Variants in HCRTR2 observed in about 807,000 individuals in gnomAD.
HCRTR2 encodes orexin receptor type 2.
In HCRTR2, 22 loss-of-function variants were observed where a neutral mutation model predicts 49.0. The ratio of observed to expected loss-of-function variants is 0.45; its 90% confidence interval spans 0.32 to 0.64. The LOEUF is 0.64. Ranked by LOEUF, HCRTR2 falls within the 30% of genes least tolerant of loss-of-function variation. HCRTR2 has a pLI of 0.04. For synonymous variants in HCRTR2, 236 were observed against 205.3 expected, an observed-to-expected ratio of 1.15 and a Z score of -1.28; for missense variants, 491 against 559.4, an observed-to-expected ratio of 0.88 and a Z score of 1.23.
intron 1 of HCRTR2, among the ~76,000 whole-genome samples, chr6:55,215,726 G>A (rs542437701): frequency 6.6e-6 from 1 of 151,684 alleles, no homozygotes; most frequent in South Asian, 2.1e-4. Flanking sequence ...TAAGACTGAG[G>A]TTAGGTTTTT....
chr6:55,249,480 C>A (rs562999968), intron 2 of HCRTR2, among the ~76,000 whole-genome samples: 3 of 152,232 alleles, frequency 2.0e-5, no homozygotes, highest in East Asian at 3.9e-4. Flanking sequence ...TAAATGAGAT[C>A]TACCTCATAT....
chr6:55,128,723 AGTTTT>A (rs904033444), intron 1 of HCRTR2, among the ~76,000 whole-genome samples: 1 of 152,144 alleles, frequency 6.6e-6, no homozygotes, highest in Non-Finnish European at 1.5e-5. Flanking sequence ...CATGTAGTTT[AGTTTT>A]AAAAAAGATA....
intron 1 of HCRTR2, among the ~76,000 whole-genome samples, chr6:55,211,315 C>A (rs1206223558): frequency 1.3e-5 from 2 of 152,112 alleles, no homozygotes; most frequent in African/African-American, 4.8e-5. Context: ...TTTAGAAGTA[C>A]AATAACTTTC....
At chr6:55,275,815 G>A (rs1367998103) in intron 4 of HCRTR2, among the ~76,000 whole-genome samples, 2 of 151,858 alleles carry the variant, frequency 1.3e-5, no homozygotes, top group Non-Finnish European at 2.9e-5. Flanking sequence ...TCTTCATGTT[G>A]GTCAGGCTGG....
At chr6:55,253,829 A>G (rs1379636754) in intron 2 of HCRTR2, among the ~76,000 whole-genome samples, 4 of 152,156 alleles carry the variant, frequency 2.6e-5, no homozygotes, top group African/African-American at 7.2e-5. Flanking sequence ...CTAAATGATG[A>G]GAACACATGG....
chr6:55,134,287 G>A lies in HCRTR2; in HGVS notation c.-378+27742G>A, dbSNP rs140924935. ...TATCAAAATCTTTTCAAGCAAAACA[G>A]AACACAGTATGATAAAGAAATTTAT... On this transcript the variant is annotated intron_variant, in intron 1 of 7. Coordinates refer to the HCRTR2 transcript ENST00000615358. Among the ~76,000 whole-genome samples, 692 of 151,794 alleles carry A rather than the reference G, an allele frequency of 4.6e-3. 7 individuals carry two copies. The highest frequency in any genetic ancestry group is 0.016 in the African/African-American group (673 of 41,466).
At chr6:55,135,190 A>G (rs570747028) in intron 1 of HCRTR2, among the ~76,000 whole-genome samples, 1 of 152,204 alleles carries the variant, frequency 6.6e-6, no homozygotes, top group East Asian at 1.9e-4. Flanking sequence ...TGGGTTTGGA[A>G]CAAGGAAATA....
intron 1 of HCRTR2, among the ~76,000 whole-genome samples, chr6:55,226,088 T>A (rs1235116069): frequency 1.3e-5 from 2 of 152,218 alleles, no homozygotes; most frequent in Non-Finnish European, 2.9e-5. Flanking sequence ...TTGGGAAATT[T>A]GTAAGAGCAG....
chr6:55,174,500 G>T (rs1461262805), upstream of HCRTR2: 16 of 1,117,592 alleles, frequency 1.4e-5, no homozygotes, highest in Middle Eastern at 7.5e-4. Context: ...GCCTCTCCGC[G>T]CAGCCTTTCC....
intron 1 of HCRTR2, among the ~76,000 whole-genome samples, chr6:55,169,134 C>T (rs552229956): frequency 2.6e-5 from 4 of 151,594 alleles, no homozygotes; most frequent in South Asian, 2.1e-4. Context: ...AATTATTTGC[C>T]GGCTACTCTG....
At chr6:55,147,426 T>G (rs1401865580) in intron 1 of HCRTR2, among the ~76,000 whole-genome samples, 1 of 152,184 alleles carries the variant, frequency 6.6e-6, no homozygotes, top group Non-Finnish European at 1.5e-5. Flanking sequence ...TACTGATGTA[T>G]ATAGCACTTA....
At chr6:55,118,300 T>C (rs567099120) in intron 1 of HCRTR2, among the ~76,000 whole-genome samples, 3 of 152,110 alleles carry the variant, frequency 2.0e-5, no homozygotes, top group South Asian at 2.1e-4. Flanking sequence ...CAGTCTATCA[T>C]TGATGGACAT....
intron 1 of HCRTR2, among the ~76,000 whole-genome samples, chr6:55,175,929 G>C (rs988213687): frequency 1.3e-5 from 2 of 152,150 alleles, no homozygotes; most frequent in Non-Finnish European, 2.9e-5. Context: ...AAAATGACAG[G>C]AGATGGAGGA....
At chr6:55,117,465 A>G (rs1370304734) in intron 1 of HCRTR2, among the ~76,000 whole-genome samples, 2 of 151,708 alleles carry the variant, frequency 1.3e-5, no homozygotes, top group African/African-American at 2.4e-5. Flanking sequence ...TTCATGGGGT[A>G]CATGTGATAT....
intron 1 of HCRTR2, among the ~76,000 whole-genome samples, chr6:55,160,095 G>A (rs10807489): frequency 0.26 from 39,454 of 152,012 alleles, 6,299 homozygotes; most frequent in Middle Eastern, 0.45. Context: ...GAGAAAGGTC[G>A]GGTTACCCAC....
chr6:55,208,269 G>A (rs114081324), intron 1 of HCRTR2, among the ~76,000 whole-genome samples: 4,187 of 149,804 alleles, frequency 0.028, 189 homozygotes, highest in African/African-American at 0.098. Flanking sequence ...GAGGTCAGGA[G>A]TTTCAGACCA....
chr6:55,278,758 T>A lies in HCRTR2; in HGVS notation c.983+1158T>A, dbSNP rs2088945. Among the ~76,000 whole-genome samples the A allele has an allele frequency of 7.4e-3, 868 of 117,750 alleles. 8 individuals carry two copies. The highest frequency in any genetic ancestry group is 0.025 in the East Asian group (59 of 2,354). 77.2% of individuals were successfully genotyped at this position (117,750 alleles called of 152,430 possible). ...TATTATTATTATTATTATTATTATTTTTGCTAACAGAAATTTAATACAAAT... is the reference window on the plus strand; with the variant it reads ...TATTATTATTATTATTATTATTATTATTGCTAACAGAAATTTAATACAAAT... On this transcript the variant is annotated intron_variant, in intron 5 of 6. Coordinates refer to ENST00000370862, the MANE Select transcript of HCRTR2 (RefSeq NM_001384272.1).
intron 1 of HCRTR2, among the ~76,000 whole-genome samples, chr6:55,181,528 TG>T (rs1365730527): frequency 1.1e-4 from 16 of 152,208 alleles, no homozygotes; most frequent in Non-Finnish European, 1.8e-4. Flanking sequence ...ACTAAACACA[TG>T]AGAACAATGT....
Position 55,258,708 on chromosome 6 carries a change from T to C in HCRTR2, c.646+3329T>C, listed in dbSNP as rs1219179376. Among the ~76,000 whole-genome samples the C allele has an allele frequency of 3.9e-5, 6 of 152,164 alleles. No homozygotes were observed. The East Asian group carries it at 1.2e-3, about 29-fold the overall frequency. On this transcript the variant is annotated intron_variant, in intron 3 of 6. Transcript: ENST00000370862. ...AAAATTATTAAATTAACCCACAATTTCTTGCTTGCTTGGTTTGTAAATGCA... is the reference window on the plus strand; with the variant it reads ...AAAATTATTAAATTAACCCACAATTCCTTGCTTGCTTGGTTTGTAAATGCA...
Sources: gnomAD v4.1 joint callset for allele counts (sites outside exome capture counted in the v4.1 genomes callset) on GRCh38, gnomAD v4.1.1 for gene constraint, MANE v1.5 for transcripts, NCBI Gene and HGNC (gene_info 2026-07-23, HGNC 2026-07-21) for gene names.